The following GALNT9 variants were observed in gnomAD, a reference collection of about 807,000 sequenced individuals.
GALNT9 encodes GalNAc transferase 9.
In GALNT9, 47 loss-of-function variants were observed where a neutral mutation model predicts 63.1. The ratio of observed to expected loss-of-function variants is 0.75; its 90% CI spans 0.59 to 0.95. The LOEUF (loss-of-function observed/expected upper bound fraction) is 0.95. Ranked by LOEUF, GALNT9 falls within the 40% of genes least tolerant of loss-of-function variation. The pLI is 0.00. For missense variants in GALNT9, 829 were observed against 874.8 expected, an observed-to-expected ratio of 0.95 and a Z score of 0.66; for synonymous variants, 396 against 365.7, an observed-to-expected ratio of 1.08 and a Z score of -0.94.
At position 132,327,713 on chromosome 12, in the gene GALNT9, G is replaced by A. The variant is rs76245718; in HGVS notation, c.238+1253C>T. ...TCACCAAGCACAGCTCTGCGGGAAAGTCAGGGATTCTGTGGGTGATGGGAA... is the reference window on the plus strand; with the variant it reads ...TCACCAAGCACAGCTCTGCGGGAAAATCAGGGATTCTGTGGGTGATGGGAA... On this transcript the variant is annotated intron_variant, in intron 1 of 10. Coordinates refer to ENST00000328957, the MANE Select transcript of GALNT9 (RefSeq NM_001122636.2). The surrounding 1 kb of genome is among the most constrained non-coding windows in gnomAD (Gnocchi z 4.3). 0.019 allele frequency among the ~76,000 whole-genome samples: 2,896 copies of A among 152,260 alleles called. 41 individuals carry two copies. Among genetic ancestry groups the A allele is most frequent in the Middle Eastern group, 0.031 (9 of 294 alleles).
At chr12:132,202,319 C>A (rs962916233) in intron 7 of GALNT9, among the ~76,000 whole-genome samples, 1 of 152,178 alleles carries the variant, frequency 6.6e-6, no homozygotes, top group Non-Finnish European at 1.5e-5. Context: ...GAAAACAAGG[C>A]TGTAGGAGCA....
chr12:132,257,818 A>G lies in GALNT9; in HGVS notation c.830T>C (p.Ile277Thr). Residue 277 changes from isoleucine to threonine, a missense_variant, in exon 5 of 11, where the codon ATC becomes ACC. Physicochemically the swap from Ile to Thr is moderately conservative, Grantham distance 89. Coordinates refer to ENST00000328957, the MANE Select transcript of GALNT9 (RefSeq NM_001122636.2). Reference protein sequence around the residue: ...RRIVLPAIDNIKYSTFEVQQY... With the variant: ...RRIVLPAIDNTKYSTFEVQQY... ...CTGCACCTCAAACGTGCTGTACTTG[A>G]TGTTGTCGATGGCTGGCAGCACGAT... The G allele has an allele frequency of 6.5e-7, 1 of 1,550,172 alleles. No individual in the cohort carries two copies. The highest frequency in any genetic ancestry group is 1.2e-5 in the South Asian group (1 of 84,054).
Position 132,204,640 on chromosome 12 carries a change from T to G in GALNT9, c.1078-950A>C, listed in dbSNP as rs117084405. On this transcript the variant is annotated intron_variant, in intron 6 of 10. Coordinates refer to ENST00000328957, the MANE Select transcript of GALNT9 (RefSeq NM_001122636.2). ...CAGCCCCCGTAACCGGGTGAGTCAA[T>G]TCCTTAGATGAACTTTCACAGCTAA... Among the ~76,000 whole-genome samples, 1,397 of 152,148 alleles carry G rather than the reference T, an allele frequency of 9.2e-3. 10 individuals carry two copies. Among genetic ancestry groups the G allele is most frequent in the South Asian group, 0.028 (136 of 4,806 alleles).
intron 6 of GALNT9, among the ~76,000 whole-genome samples, chr12:132,212,958 C>T (rs145539995): frequency 0.031 from 4,335 of 137,906 alleles, 108 homozygotes; most frequent in Middle Eastern, 0.056. Context: ...GCCCTCAGAC[C>T]GTGACATGGA....
intron 5 of GALNT9, among the ~76,000 whole-genome samples, chr12:132,250,639 A>C (rs1878876638): frequency 6.6e-6 from 1 of 152,182 alleles, no homozygotes; most frequent in Non-Finnish European, 1.5e-5. Context: ...AAAATACAAA[A>C]AATTAGCCGG....
At chr12:132,222,408 TCTC>T (rs1877485636) in intron 6 of GALNT9, among the ~76,000 whole-genome samples, 1 of 151,988 alleles carries the variant, frequency 6.6e-6, no homozygotes, top group Non-Finnish European at 1.5e-5. Flanking sequence ...TGAAACCCCA[TCTC>T]CTCACAAAAA....
intron 1 of GALNT9, among the ~76,000 whole-genome samples, chr12:132,314,600 G>A (rs533509889): frequency 5.3e-5 from 8 of 152,322 alleles, no homozygotes; most frequent in African/African-American, 1.9e-4. Context: ...AAGCTGTCCT[G>A]ACCTTCCCCT....
At chr12:132,224,981 C>A (rs942339089) in intron 6 of GALNT9, among the ~76,000 whole-genome samples, 3 of 144,378 alleles carry the variant, frequency 2.1e-5, no homozygotes, top group African/African-American at 7.7e-5. Flanking sequence ...CACACATACA[C>A]CCCATATACA....
At chr12:132,199,775 C>G (rs899465901) in intron 8 of GALNT9, among the ~76,000 whole-genome samples, 4 of 152,208 alleles carry the variant, frequency 2.6e-5, no homozygotes, top group Non-Finnish European at 5.9e-5. Context: ...CCTCCAGCCT[C>G]CAGAACAGGC....
chr12:132,276,922 A>G (rs1555241239), intron 2 of GALNT9, among the ~76,000 whole-genome samples: 2 of 152,154 alleles, frequency 1.3e-5, no homozygotes, highest in East Asian at 3.8e-4. Context: ...ACATGTCCAC[A>G]CATGCACACA....
rs760851759 is a variant in GALNT9, at chr12:132,201,237, C to G, written c.1288G>C (p.Val430Leu). The change falls in exon 8 of 11, where the codon GTG becomes CTG. Residue 430 changes from valine (V) to leucine (L), a missense_variant. Coordinates refer to ENST00000328957, the MANE Select transcript of GALNT9 (RefSeq NM_001122636.2). ...TGACGCAGGGCCAGCCTCTCAGACA[C>G]GTCCCCGAAGTCCACCCCTGGGTTC... Reference protein sequence around the residue: ...MSNPGVDFGDVSERLALRQRL... With the variant: ...MSNPGVDFGDLSERLALRQRL... 32 of 1,613,226 alleles carry G rather than the reference C, an allele frequency of 2.0e-5. No individual in the cohort carries two copies. Among genetic ancestry groups the G allele is most frequent in the Middle Eastern group, 1.6e-4 (1 of 6,078 alleles).
At chr12:132,199,305 ACCCGAGGGTGCGGCCCCAGGGAG>A (rs1200997284) in intron 8 of GALNT9, 36 bp from the exon 9 acceptor site, 1 of 1,495,602 alleles carries the variant, frequency 6.7e-7, no homozygotes, top group Non-Finnish European at 9.2e-7. Flanking sequence ...GTCCAGAGTC[ACCCGAGGGTGCGGCCCCAGGGAG>A]CTTCACGCAG....
chr12:132,206,513 G>T (rs536950835), intron 6 of GALNT9, among the ~76,000 whole-genome samples: 2 of 152,282 alleles, frequency 1.3e-5, no homozygotes, highest in South Asian at 4.2e-4. Flanking sequence ...TGGGCATGGT[G>T]GCAGATGCCT....
intron 1 of GALNT9, among the ~76,000 whole-genome samples, chr12:132,306,716 G>A (rs1416518850): frequency 5.3e-5 from 8 of 152,176 alleles, no homozygotes; most frequent in Non-Finnish European, 1.0e-4. Context: ...TGACTTGCGC[G>A]AGGAAAAGCA....
intron 4 of GALNT9, among the ~76,000 whole-genome samples, chr12:132,258,656 A>AG (rs573941662): frequency 1.6e-4 from 25 of 152,318 alleles, no homozygotes; most frequent in African/African-American, 4.8e-4. Context: ...GCTGGCCAGG[A>AG]GGCCGGACAG....
At chr12:132,257,622 G>T in intron 5 of GALNT9, 67 bp downstream of exon 5, 4 of 1,260,592 alleles carry the variant, frequency 3.2e-6, no homozygotes, top group Non-Finnish European at 4.4e-6. Context: ...TCGTCCCCAC[G>T]CCCGCCTCGC....
At position 132,246,676 on chromosome 12, in the gene GALNT9, G is replaced by T. The variant is rs1878716396; in HGVS notation, c.1077+1234C>A. ...GCCTCCTGAGTAGCTGGGATTATAG[G>T]CATGCACCACCATGCCTGGTTAATT... is the stretch of plus-strand genomic sequence containing the variant. On this transcript the variant is annotated intron_variant, in intron 6 of 10. Coordinates refer to ENST00000328957, the MANE Select transcript of GALNT9 (RefSeq NM_001122636.2). The surrounding 1 kb of genome is among the most constrained non-coding windows in gnomAD (Gnocchi z 4.7). 6.6e-6 allele frequency among the ~76,000 whole-genome samples: 1 copy of T among 152,180 alleles called. No homozygotes were observed. Among genetic ancestry groups the T allele is most frequent in the African/African-American group, 2.4e-5 (1 of 41,434 alleles).
Position 132,196,501 on chromosome 12 carries a change from A to T in GALNT9, c.*606T>A, listed in dbSNP as rs1555232737. On this transcript the variant is annotated 3_prime_UTR_variant, in exon 11 of 11. Transcript: ENST00000328957. ...CAGCTCGGCTCCCAGGAAGACACACACAGTGCTGCTGCCTAATCCTCTCTT... is the reference window on the plus strand; with the variant it reads ...CAGCTCGGCTCCCAGGAAGACACACTCAGTGCTGCTGCCTAATCCTCTCTT... 1.0e-6 allele frequency: 1 copy of T among 985,568 alleles called. No homozygotes were observed. The highest frequency in any genetic ancestry group is 1.2e-6 in the Non-Finnish European group (1 of 830,030). The allele number at this position is 985,568 out of a possible 1,614,324, so 61.1% of individuals were successfully genotyped here. A position where few individuals can be genotyped will look rare whatever the true frequency, so the allele number is the denominator to read the frequency against.
At chr12:132,320,470 T>A (rs1204597942) in intron 1 of GALNT9, among the ~76,000 whole-genome samples, 1 of 152,384 alleles carries the variant, frequency 6.6e-6, no homozygotes, top group East Asian at 1.9e-4. Flanking sequence ...AATCGACTCA[T>A]CTTTTAAGTT....
Sources: allele counts gnomAD v4.1 joint callset (sites outside exome capture counted in the v4.1 genomes callset), GRCh38; gene constraint gnomAD v4.1.1; non-coding constraint Gnocchi (gnomAD v3.1); transcripts MANE v1.5; gene names NCBI Gene and HGNC (gene_info 2026-07-23, HGNC 2026-07-21).